Variants in KRABD3 observed in about 807,000 individuals in gnomAD.
KRABD3 encodes KRAB domain containing 3, also known as KRAB domain-containing protein 3.
At chr7:149,715,090 C>G in the KRABD3 span, 2 of 1,230,756 alleles carry the variant, frequency 1.6e-6, no homozygotes, top group African/African-American at 3.1e-5. Context: ...ACGCGCGGAC[C>G]CCTCGGCGCA....
At chr7:149,724,891 G>A in the KRABD3 span, 14 of 1,472,526 alleles carry the variant, frequency 9.5e-6, no homozygotes, top group Admixed American at 2.7e-4. Flanking sequence ...TTCCCCATGG[G>A]CTTGTCAGTC....
chr7:149,715,146 C>A, the KRABD3 span: 2 of 1,229,952 alleles, frequency 1.6e-6, no homozygotes, highest in South Asian at 4.1e-5. Flanking sequence ...GGGACCCCCC[C>A]GCAACTTCGG....
At chr7:149,734,056 C>A in the KRABD3 span, 1 of 1,592,644 alleles carries the variant, frequency 6.3e-7, no homozygotes, top group Admixed American at 1.7e-5. Flanking sequence ...GATGGCATTC[C>A]TCTTCTCCAC....
chr7:149,728,372 C>T, the KRABD3 span: 42 of 912,260 alleles, frequency 4.6e-5, no homozygotes, highest in Admixed American at 2.6e-4. Context: ...AAAGCAGGGC[C>T]GCGCCAGAGC....
chr7:149,733,772 A>G, the KRABD3 span: 13 of 1,596,610 alleles, frequency 8.1e-6, no homozygotes, highest in Non-Finnish European at 1.1e-5. Context: ...CTCTACACCC[A>G]GCTGCCATGC....
the KRABD3 span, chr7:149,728,515 C>T: frequency 2.5e-6 from 4 of 1,612,644 alleles, no homozygotes; most frequent in Admixed American, 1.7e-5. Flanking sequence ...AATGTTTGAT[C>T]TTCACAGGAA....
At chr7:149,727,596 A>G in the KRABD3 span, among the ~76,000 whole-genome samples, 1 of 152,056 alleles carries the variant, frequency 6.6e-6, no homozygotes, top group South Asian at 2.1e-4. Flanking sequence ...ACCCCTTTCT[A>G]TACTTTTCAT....
At chr7:149,723,174 ATG>A in the KRABD3 span, among the ~76,000 whole-genome samples, 2 of 152,160 alleles carry the variant, frequency 1.3e-5, no homozygotes, top group Non-Finnish European at 2.9e-5. Flanking sequence ...TGGTTTCTTC[ATG>A]TCTCTTCCTC....
chr7:149,719,804 T>A, the KRABD3 span: 25 of 1,258,042 alleles, frequency 2.0e-5, no homozygotes, highest in African/African-American at 3.7e-4. The surrounding 1 kb of genome is among the most constrained non-coding windows in gnomAD (Gnocchi z 5.6). Flanking sequence ...ACGCTGCTGC[T>A]ATTCTATGTC....
chr7:149,731,584 A>G, the KRABD3 span: 2 of 964,770 alleles, frequency 2.1e-6, no homozygotes, highest in East Asian at 2.6e-5. Context: ...TTAAAAGTTG[A>G]GAGTTTGATA....
the KRABD3 span, chr7:149,730,626 A>T: frequency 2.8e-4 from 437 of 1,573,616 alleles, 3 homozygotes; most frequent in East Asian, 9.9e-3. Flanking sequence ...CCAGGAGTCC[A>T]GACTGGATCC....
the KRABD3 span, chr7:149,715,280 A>C: frequency 1.6e-6 from 2 of 1,220,998 alleles, no homozygotes; most frequent in Non-Finnish European, 2.0e-6. Flanking sequence ...CCACCTGGGG[A>C]AACCCCCTTG....
chr7:149,731,004 T>A, the KRABD3 span, among the ~76,000 whole-genome samples: 2 of 152,214 alleles, frequency 1.3e-5, no homozygotes, highest in South Asian at 4.1e-4. Flanking sequence ...GCCACCTTGC[T>A]TCTCAATCTC....
chr7:149,723,647 G>C, the KRABD3 span: 1,639 of 1,360,290 alleles, frequency 1.2e-3, 4 homozygotes, highest in Non-Finnish European at 1.5e-3. Flanking sequence ...TTGGCCCCAC[G>C]CCCTTCTAAC....
chr7:149,718,746 C>T, the KRABD3 span, among the ~76,000 whole-genome samples: 1 of 152,170 alleles, frequency 6.6e-6, no homozygotes, highest in Non-Finnish European at 1.5e-5. Context: ...AACTCCTGAT[C>T]TCAGGTGATC....
chr7:149,719,653 CG>C, the KRABD3 span: 1 of 1,606,558 alleles, frequency 6.2e-7, no homozygotes, highest in Non-Finnish European at 8.5e-7. The surrounding 1 kb of genome is among the most constrained non-coding windows in gnomAD (Gnocchi z 5.6). Context: ...GGGAGAACTA[CG>C]AGACGCTGGT....
the KRABD3 span, chr7:149,719,757 A>T: frequency 1.4e-6 from 2 of 1,467,094 alleles, no homozygotes; most frequent in African/African-American, 1.4e-5. This position sits in a 1 kb window ranked among gnomAD's most constrained non-coding sequence, Gnocchi z 5.6. Flanking sequence ...CGGCAGCCTT[A>T]GTCTTTCCAC....
the KRABD3 span, chr7:149,719,782 C>A: frequency 7.5e-7 from 1 of 1,339,090 alleles, no homozygotes; most frequent in South Asian, 1.5e-5. This position sits in a 1 kb window ranked among gnomAD's most constrained non-coding sequence, Gnocchi z 5.6. Context: ...GAAATGAACA[C>A]GGGGATCGTT....
chr7:149,722,613 G>A, the KRABD3 span: 1 of 1,557,624 alleles, frequency 6.4e-7, no homozygotes, highest in Non-Finnish European at 8.8e-7. Context: ...GTTCACACGA[G>A]GAGGTCATGC....
Sources: allele counts gnomAD v4.1 joint callset (sites outside exome capture counted in the v4.1 genomes callset), GRCh38; gene constraint gnomAD v4.1.1; non-coding constraint Gnocchi (gnomAD v3.1); transcripts MANE v1.5; gene names NCBI Gene and HGNC (gene_info 2026-07-23, HGNC 2026-07-21).